ASH1L: variants seen among roughly 807,000 people sequenced by gnomAD.
ASH1L encodes the protein ASH1 like histone lysine methyltransferase.
ASH1L carries 23 observed loss-of-function variants against 269.0 expected under a neutral mutation model. That is an observed-to-expected ratio of 0.09 (90% confidence interval 0.06 to 0.12). The LOEUF is 0.12. Among genes scored for constraint, ASH1L ranks in the 10% least tolerant of loss-of-function variants. The probability of loss-of-function intolerance (pLI) is 1.00; values close to 1 mark genes in which losing one functional copy is unlikely to be tolerated. For missense variants in ASH1L, 2,912 were observed against 3,567.8 expected, an observed-to-expected ratio of 0.82 and a Z score of 4.68; for synonymous variants, 1,187 against 1,253.5, an observed-to-expected ratio of 0.95 and a Z score of 1.12.
intron 5 of ASH1L, chr1:155,419,438 C>T (rs573679462): frequency 2.7e-4 from 41 of 150,514 alleles, no homozygotes; most frequent in African/African-American, 8.5e-4. Flanking sequence ...TGGAACAATA[C>T]AGAGATGAGC....
chr1:155,520,859 TCTC>T (rs1373496912), intron 2 of ASH1L, among the ~76,000 whole-genome samples: 8 of 152,024 alleles, frequency 5.3e-5, no homozygotes, highest in Non-Finnish European at 1.0e-4. Flanking sequence ...CAAAACTTAA[TCTC>T]AAAAAAATAA....
intron 2 of ASH1L, among the ~76,000 whole-genome samples, chr1:155,508,873 TG>T (rs762468450): frequency 1.3e-5 from 2 of 151,596 alleles, no homozygotes; most frequent in Non-Finnish European, 2.9e-5. Flanking sequence ...AATAATACAG[TG>T]GGTAAGTGCA....
At chr1:155,387,413 T>C (rs1657526882) in intron 7 of ASH1L, among the ~76,000 whole-genome samples, 1 of 152,232 alleles carries the variant, frequency 6.6e-6, no homozygotes, top group South Asian at 2.1e-4. Context: ...TGCTTGTTTT[T>C]GTCAGGTTTG....
Position 155,480,299 on chromosome 1 carries a change from T to G in ASH1L, c.2571A>C (p.Leu857Phe). Residue 857 changes from leucine (L) to phenylalanine (F), a missense_variant, in exon 3 of 28, where the codon TTA (leucine) becomes TTC (phenylalanine). Physicochemically the swap from Leu to Phe is conservative, Grantham distance 22. Transcript: ENST00000392403. ...GGGGTTCTTGTTCTTCCTTAGACTG[T>G]AAAGAAAACACTTTAGAAGCAGGGA... ...LKIPASKVFSLQSKEEQEPPI... is the reference protein window; with the variant it reads ...LKIPASKVFSFQSKEEQEPPI... 6.2e-7 allele frequency: 1 copy of G among 1,614,172 alleles called. No individual in the cohort carries two copies. Among genetic ancestry groups the G allele is most frequent in the Non-Finnish European group, 8.5e-7 (1 of 1,179,992 alleles).
At chr1:155,442,556 C>A (rs1662678962) in intron 4 of ASH1L, among the ~76,000 whole-genome samples, 1 of 140,566 alleles carries the variant, frequency 7.1e-6, no homozygotes, top group Non-Finnish European at 1.5e-5. Context: ...GCCCTCCAGC[C>A]TGGGCGACAA....
chr1:155,338,745 A>G (rs1652523897), intron 26 of ASH1L, among the ~76,000 whole-genome samples: 1 of 152,184 alleles, frequency 6.6e-6, no homozygotes, highest in Non-Finnish European at 1.5e-5. Flanking sequence ...AACTACAATA[A>G]TAAATATTTA....
chr1:155,488,940 GAATA>G (rs1309928933), intron 2 of ASH1L, among the ~76,000 whole-genome samples: 1 of 151,980 alleles, frequency 6.6e-6, no homozygotes, highest in Non-Finnish European at 1.5e-5. Context: ...TACCTTTCAT[GAATA>G]AAGACTTTAC....
chr1:155,381,017 C>A (rs551410407), intron 7 of ASH1L, among the ~76,000 whole-genome samples: 46 of 151,914 alleles, frequency 3.0e-4, no homozygotes, highest in African/African-American at 1.1e-3. Flanking sequence ...GATGGTGGAC[C>A]CAGAAGGTAA....
At chr1:155,399,717 A>G (rs1658670482) in intron 6 of ASH1L, among the ~76,000 whole-genome samples, 1 of 151,276 alleles carries the variant, frequency 6.6e-6, no homozygotes, top group Non-Finnish European at 1.5e-5. Context: ...ACTAAGTTCT[A>G]CAAAAGGAGA....
At chr1:155,434,416 A>G (rs887598288) in intron 5 of ASH1L, among the ~76,000 whole-genome samples, 1 of 151,538 alleles carries the variant, frequency 6.6e-6, no homozygotes. Flanking sequence ...GTTTGGGGCA[A>G]CTGGTTGGAG....
At chr1:155,486,937 G>A (rs991393900) in intron 2 of ASH1L, among the ~76,000 whole-genome samples, 89 of 151,930 alleles carry the variant, frequency 5.9e-4, no homozygotes, top group Non-Finnish European at 1.5e-4. Flanking sequence ...AGGCTGATGC[G>A]GGCAGATCAC....
chr1:155,562,558 TCCCCCGCTC>T lies in ASH1L; in HGVS notation c.-514_-506del, dbSNP rs1257307789. 1 of 1,527,464 alleles carries T rather than the reference TCCCCCGCTC, an allele frequency of 6.5e-7. No homozygotes were observed. The highest frequency in any genetic ancestry group is 8.8e-7 in the Non-Finnish European group (1 of 1,139,284). The allele number at this position is 1,527,464 out of a possible 1,614,324, so 94.6% of individuals were successfully genotyped here. A position where few individuals can be genotyped will look rare whatever the true frequency, so the allele number is the denominator to read the frequency against. Reference sequence around the variant, plus strand: ...TTCCTCCTTGCGTTCTTTCCCACCGTCCCCCGCTCCGCCCGACTCCGTCCGCGTAGCGCG... The same window carrying T: ...TTCCTCCTTGCGTTCTTTCCCACCGTCGCCCGACTCCGTCCGCGTAGCGCG... On this transcript the variant is annotated 5_prime_UTR_variant, in exon 1 of 28. Transcript: ENST00000392403.
intron 8 of ASH1L, among the ~76,000 whole-genome samples, chr1:155,378,910 T>C (rs905015751): frequency 5.9e-4 from 90 of 152,172 alleles, no homozygotes; most frequent in African/African-American, 1.9e-3. Flanking sequence ...GAAAACAACA[T>C]GCATAGGACT....
chr1:155,441,869 G>A (rs1476525184), intron 4 of ASH1L, among the ~76,000 whole-genome samples: 2 of 145,806 alleles, frequency 1.4e-5, no homozygotes, highest in Non-Finnish European at 3.0e-5. Context: ...AGGCTCAAGC[G>A]ACCCTCCCAC....
intron 5 of ASH1L, chr1:155,433,787 T>G (rs775987989): frequency 1.4e-5 from 23 of 1,606,174 alleles, no homozygotes; most frequent in Middle Eastern, 1.7e-4. Context: ...GCTGCGGCCC[T>G]TGCTGCAGAA....
chr1:155,357,310 T>C lies in ASH1L; in HGVS notation c.7055+6A>G. The C allele has an allele frequency of 6.2e-7, 1 of 1,609,176 alleles. No individual in the cohort carries two copies. The highest frequency in any genetic ancestry group is 8.5e-7 in the Non-Finnish European group (1 of 1,176,160). ...AAGAACATGGATAAGGATATTTCCT[T>C]TTTACCTTTCACGATTGGACATTGG... is the stretch of plus-strand genomic sequence containing the variant. On this transcript the variant is annotated splice_donor_region_variant and intron_variant, in intron 15 of 27. Transcript: ENST00000392403.
chr1:155,446,537 G>A (rs10796944), intron 4 of ASH1L, among the ~76,000 whole-genome samples: 31,898 of 150,694 alleles, frequency 0.21, 4,400 homozygotes, highest in East Asian at 0.68. Flanking sequence ...GGGCTCAAGC[G>A]ATCCACACAC....
At chr1:155,398,701 G>T (rs1230819399) in intron 6 of ASH1L, among the ~76,000 whole-genome samples, 4 of 152,044 alleles carry the variant, frequency 2.6e-5, no homozygotes, top group Non-Finnish European at 5.9e-5. Context: ...TAGGTGATAG[G>T]AATTTTTATT....
chr1:155,336,358 T>TACAC lies in ASH1L; in HGVS notation c.*1301_*1302insGTGT, dbSNP rs1364129587. ...AGGTGTGTGTGTGTGTGTGTATATA[T>TACAC]ATACACACACACATATATATATACA... On this transcript the variant is annotated 3_prime_UTR_variant, in exon 28 of 28. Coordinates refer to ENST00000392403, the MANE Select transcript of ASH1L (RefSeq NM_018489.3). 0.15 allele frequency: 622 copies of TACAC among 4,204 alleles called. 15 individuals carry two copies. The highest frequency in any genetic ancestry group is 0.43 in the East Asian group (404 of 942). 0.3% of individuals were successfully genotyped at this position (4,204 alleles called of 1,614,324 possible).
Sources: allele counts gnomAD v4.1 joint callset (sites outside exome capture counted in the v4.1 genomes callset), GRCh38; gene constraint gnomAD v4.1.1; transcripts MANE v1.5; gene names NCBI Gene and HGNC (gene_info 2026-07-23, HGNC 2026-07-21).